NIPA2: variants seen among roughly 807,000 people sequenced by gnomAD.
The protein encoded by NIPA2 is magnesium transporter NIPA2.
NIPA2 carries 11 observed loss-of-function variants against 29.7 expected under a neutral mutation model. The observed-to-expected ratio is 0.37, with a 90% CI of 0.23 to 0.61. NIPA2 has a LOEUF of 0.61. NIPA2 is among the 20% of genes least tolerant of loss of function. The pLI, the probability that NIPA2 is intolerant of heterozygous loss-of-function variation, is 0.66. For missense variants in NIPA2, 426 were observed against 437.9 expected (o/e 0.97, Z 0.24); for synonymous variants, 183 against 161.9 (o/e 1.13, Z -0.99).
intron 2 of NIPA2, among the ~76,000 whole-genome samples, chr15:22,841,088 T>G (rs1896972165): frequency 6.6e-6 from 1 of 152,148 alleles, no homozygotes; most frequent in South Asian, 2.1e-4. Context: ...GATGTACAAC[T>G]TGAGAACTAC....
intron 3 of NIPA2, 72 bp downstream of exon 3, chr15:22,845,339 G>C: frequency 6.6e-6 from 1 of 152,138 alleles, no homozygotes; most frequent in East Asian, 1.9e-4. Context: ...CTTGCAAATT[G>C]TATGCTGCTT....
At chr15:22,853,374 C>CTTTT (rs35568106) in intron 5 of NIPA2, 106 bp downstream of exon 5, 10 of 380,164 alleles carry the variant, frequency 2.6e-5, no homozygotes, top group South Asian at 1.1e-4. Context: ...TTTAAATAAT[C>CTTTT]TTTTTTTTTT....
intron 7 of NIPA2, among the ~76,000 whole-genome samples, 171 bp downstream of exon 7, chr15:22,860,960 G>A (rs1244133916): frequency 6.6e-6 from 1 of 152,110 alleles, no homozygotes; most frequent in Non-Finnish European, 1.5e-5. Flanking sequence ...TGTTTCTACT[G>A]TTCTTTAACT....
chr15:22,841,308 G>C (rs1157293015), intron 2 of NIPA2, among the ~76,000 whole-genome samples: 1 of 152,106 alleles, frequency 6.6e-6, no homozygotes, highest in African/African-American at 2.4e-5. Flanking sequence ...ACACCCCTCA[G>C]ACTAGATTAG....
intron 6 of NIPA2, among the ~76,000 whole-genome samples, chr15:22,859,079 C>G (rs1435469420): frequency 6.6e-6 from 1 of 151,998 alleles, no homozygotes; most frequent in African/African-American, 2.4e-5. Flanking sequence ...GAGGCTGAGA[C>G]AGGAGAATGG....
At chr15:22,861,880 G>A (rs1212934705) in intron 7 of NIPA2, among the ~76,000 whole-genome samples, 3 of 151,942 alleles carry the variant, frequency 2.0e-5, no homozygotes, top group Admixed American at 6.6e-5. Context: ...GACTGCAGGC[G>A]TGTGCCACCA....
At position 22,860,680 on chromosome 15, in the gene NIPA2, A is replaced by G. The variant is rs114406802; in HGVS notation, c.339A>G (p.Lys113=). 8.5e-5 allele frequency: 136 copies of G among 1,599,852 alleles called. 1 individual carries two copies. The African/African-American group carries it at 1.7e-3, about 20-fold the overall frequency. ...ATGAAAGACTTAATCTTCATGGGAA[A>G]ATTGGGTGTTTGCTAAGTATTCTAG... ...FLNERLNLHG[K]IGCLLSILGS... is the part of the protein sequence containing the mutation. The change falls in exon 7 of 8, where the codon AAA becomes AAG. Residue 113 remains lysine, a synonymous_variant. Coordinates refer to ENST00000337451, the MANE Select transcript of NIPA2 (RefSeq NM_030922.7).
intron 2 of NIPA2, among the ~76,000 whole-genome samples, chr15:22,843,983 C>G (rs556874128): frequency 3.9e-5 from 6 of 152,076 alleles, no homozygotes; most frequent in African/African-American, 1.4e-4. Context: ...AGATGTGAGC[C>G]GCCGTGCTCG....
At chr15:22,861,893 C>G (rs578060491) in intron 7 of NIPA2, among the ~76,000 whole-genome samples, 2 of 152,072 alleles carry the variant, frequency 1.3e-5, no homozygotes, top group Admixed American at 6.5e-5. Context: ...TGCCACCATG[C>G]CTGGCTAATT....
Position 22,866,690 on chromosome 15 carries a change from T to C in NIPA2, c.926T>C (p.Leu309Pro). The C allele has an allele frequency of 1.9e-6, 3 of 1,614,124 alleles. No homozygotes were observed. The highest frequency in any genetic ancestry group is 1.7e-6 in the Non-Finnish European group (2 of 1,179,998). Residue 309 changes from leucine (L) to proline (P), a missense_variant, in exon 8 of 8, where the codon CTG becomes CCG. Leu to Pro is a moderately conservative substitution (Grantham distance 98, BLOSUM62 -3). Transcript: ENST00000337451. ...GACGTCAGCTTTAGTCTAGCAAGTC[T>C]GCCTGTGTCTTTTCGAAAAGACGAG... ...FKDVSFSLAS[L>P]PVSFRKDEKA...
intron 5 of NIPA2, among the ~76,000 whole-genome samples, chr15:22,858,190 A>C (rs1387686488): frequency 6.6e-6 from 1 of 152,046 alleles, no homozygotes; most frequent in South Asian, 2.1e-4. Context: ...TCAGGAGATC[A>C]AGACCATCCT....
chr15:22,848,456 G>C (rs1272873089), intron 3 of NIPA2, among the ~76,000 whole-genome samples: 1 of 151,938 alleles, frequency 6.6e-6, no homozygotes, highest in African/African-American at 2.4e-5. Flanking sequence ...TTGAACTCCT[G>C]GTTTCAAGCA....
rs1256907191 is a variant in NIPA2, at chr15:22,867,050, G to A, written c.*203G>A. ...CACTAAAATGACCTCAGCACATGAC[G>A]ATTTCTATTAACATTTTATTGTTGT... is the stretch of plus-strand genomic sequence containing the variant. On this transcript the variant is annotated 3_prime_UTR_variant, in exon 8 of 8. Coordinates refer to ENST00000337451, the MANE Select transcript of NIPA2 (RefSeq NM_030922.7). 7 of 523,332 alleles carry A rather than the reference G, an allele frequency of 1.3e-5. No homozygotes were observed. The highest frequency in any genetic ancestry group is 5.8e-5 in the African/African-American group (3 of 51,536). 32.4% of individuals were successfully genotyped at this position (523,332 alleles called of 1,614,324 possible). A position where few individuals can be genotyped will look rare whatever the true frequency, so the allele number is the denominator to read the frequency against.
chr15:22,846,783 T>C (rs1662100349), intron 3 of NIPA2, among the ~76,000 whole-genome samples: 1 of 150,230 alleles, frequency 6.7e-6, no homozygotes, highest in Non-Finnish European at 1.5e-5. Flanking sequence ...GCCACTGCAC[T>C]CCAGCCTGGG....
chr15:22,845,768 CA>C (rs1162831072), intron 3 of NIPA2, among the ~76,000 whole-genome samples: 2 of 151,908 alleles, frequency 1.3e-5, no homozygotes, highest in Non-Finnish European at 2.9e-5. Context: ...GGTGCCTGGC[CA>C]GGGGGACTCT....
At chr15:22,862,691 T>G (rs2058704664) in intron 7 of NIPA2, among the ~76,000 whole-genome samples, 1 of 152,086 alleles carries the variant, frequency 6.6e-6, no homozygotes, top group South Asian at 2.1e-4. Flanking sequence ...TGTGGTGGTG[T>G]TTCTCTTTTG....
At chr15:22,858,404 AAAT>A (rs1341027059) in intron 5 of NIPA2, 133 bp from the exon 6 acceptor site, 1 of 513,804 alleles carries the variant, frequency 1.9e-6, no homozygotes, top group East Asian at 3.5e-5. Flanking sequence ...AAAAAAATAA[AAAT>A]AATAAATTGG....
intron 3 of NIPA2, among the ~76,000 whole-genome samples, chr15:22,848,817 TC>T (rs1427339545): frequency 2.2e-5 from 2 of 92,450 alleles, no homozygotes; most frequent in African/African-American, 8.9e-5. Flanking sequence ...AGAGCAAGAC[TC>T]TTGTCTCAAA....
Position 22,840,667 on chromosome 15 carries a change from T to G in NIPA2, c.-216+877T>G, listed in dbSNP as rs565644388. Among the ~76,000 whole-genome samples, 14 of 152,250 alleles carry G rather than the reference T, an allele frequency of 9.2e-5. No homozygotes were observed. In the South Asian group the frequency reaches 2.3e-3, roughly 25 times the overall value. Reference sequence around the variant, plus strand: ...AGAAGTAAAGTCCCTTTCTGTGTGGTCCTCTGCATGTGACTCTTTTTTACC... The same window carrying G: ...AGAAGTAAAGTCCCTTTCTGTGTGGGCCTCTGCATGTGACTCTTTTTTACC... On this transcript the variant is annotated intron_variant, in intron 2 of 7. Transcript: ENST00000337451.
Sources: allele counts gnomAD v4.1 joint callset (sites outside exome capture counted in the v4.1 genomes callset), GRCh38; gene constraint gnomAD v4.1.1; transcripts MANE v1.5; gene names NCBI Gene and HGNC (gene_info 2026-07-23, HGNC 2026-07-21).